ARHGAP32: variants seen among roughly 807,000 people sequenced by gnomAD.
ARHGAP32 encodes the protein rho GTPase-activating protein 32.
Under a neutral mutation model 186.5 loss-of-function variants are expected in ARHGAP32, and 51 were observed. The ratio of observed to expected loss-of-function variants is 0.27; its 90% CI spans 0.22 to 0.35. The LOEUF (loss-of-function observed/expected upper bound fraction) is 0.35, where lower values mean the gene tolerates loss of function less well. Among genes scored for constraint, ARHGAP32 ranks in the 10% least tolerant of loss-of-function variants. The pLI is 1.00. For synonymous variants in ARHGAP32, 950 were observed against 964.3 expected, an observed-to-expected ratio of 0.99 and a Z score of 0.27; for missense variants, 2,186 against 2,623.5, an observed-to-expected ratio of 0.83 and a Z score of 3.64.
chr11:129,196,486 G>A (rs973727723), upstream of ARHGAP32, among the ~76,000 whole-genome samples: 4 of 152,274 alleles, frequency 2.6e-5, no homozygotes, highest in South Asian at 2.1e-4. Context: ...TAGGTAATAC[G>A]TAAATACTAC....
chr11:129,209,238 G>A (rs1468817019), intron 1 of ARHGAP32, among the ~76,000 whole-genome samples: 4 of 152,038 alleles, frequency 2.6e-5, no homozygotes, highest in Non-Finnish European at 4.4e-5. Context: ...CAAGCTGGTT[G>A]AGCATTCAAA....
intron 2 of ARHGAP32, among the ~76,000 whole-genome samples, chr11:129,139,622 G>T (rs982155985): frequency 1.3e-5 from 2 of 151,948 alleles, no homozygotes; most frequent in Non-Finnish European, 2.9e-5. Flanking sequence ...TAAGTCTCAC[G>T]AGATCTGACA....
chr11:129,059,592 C>T (rs181241241), intron 10 of ARHGAP32, among the ~76,000 whole-genome samples: 1,881 of 151,132 alleles, frequency 0.012, 23 homozygotes, highest in Non-Finnish European at 0.021. Context: ...CTCTACCTCC[C>T]GGGTTCAAGA....
At chr11:128,997,518 T>C (rs1249826043) in intron 12 of ARHGAP32, among the ~76,000 whole-genome samples, 1 of 152,188 alleles carries the variant, frequency 6.6e-6, no homozygotes, top group Non-Finnish European at 1.5e-5. Flanking sequence ...CTATTTCTGG[T>C]ACTTAGCAAC....
chr11:129,010,167 A>C (rs1485330382), intron 11 of ARHGAP32, among the ~76,000 whole-genome samples: 1 of 152,072 alleles, frequency 6.6e-6, no homozygotes, highest in Non-Finnish European at 1.5e-5. Flanking sequence ...TGTAAACTTA[A>C]GTTCCCTGTA....
intron 1 of ARHGAP32, among the ~76,000 whole-genome samples, chr11:129,268,177 A>G (rs1000139739): frequency 6.6e-6 from 1 of 152,168 alleles, no homozygotes; most frequent in Non-Finnish European, 1.5e-5. Context: ...ACCTTGTCCT[A>G]TGAGGAATAG....
chr11:128,986,259 G>A (rs1455253195), intron 14 of ARHGAP32, among the ~76,000 whole-genome samples, 174 bp from the exon 15 acceptor site: 1 of 152,162 alleles, frequency 6.6e-6, no homozygotes, highest in Non-Finnish European at 1.5e-5. Flanking sequence ...TGTGAACACT[G>A]AGATCTACGA....
rs923746268 is a variant in ARHGAP32, at chr11:129,192,318, G to A, written c.-120C>T. ...TGTGTGTCTGGTGCCCTAGTGACAG[G>A]TACTGGTGCTGGTTTAATTACAGTC... is the stretch of plus-strand genomic sequence containing the variant. On this transcript the variant is annotated 5_prime_UTR_variant, in exon 1 of 23. Transcript: ENST00000682385. 1 of 705,136 alleles carries A rather than the reference G, an allele frequency of 1.4e-6. No homozygotes were observed. The allele number at this position is 705,136 out of a possible 1,614,324, so 43.7% of individuals were successfully genotyped here.
chr11:129,060,311 C>T lies in ARHGAP32; in HGVS notation c.963+1969G>A, dbSNP rs1940437158. ...AGAAGAAACTCAAATCCAAAAAAAG[C>T]AAATGACTTCCCTAAGGTGTTACAC... is the stretch of plus-strand genomic sequence containing the variant. On this transcript the variant is annotated intron_variant, in intron 10 of 22. Coordinates refer to ENST00000682385, the MANE Select transcript of ARHGAP32 (RefSeq NM_001378024.1). 2.0e-5 allele frequency among the ~76,000 whole-genome samples: 3 copies of T among 151,500 alleles called. No homozygotes were observed. The South Asian group carries it at 6.2e-4, about 32-fold the overall frequency.
At chr11:129,124,757 C>A in intron 3 of ARHGAP32, 46 bp downstream of exon 3, 1 of 1,409,822 alleles carries the variant, frequency 7.1e-7, no homozygotes, top group Non-Finnish European at 9.8e-7. Context: ...GAACTGATTT[C>A]CATTCGTAGG....
chr11:129,231,843 T>G, intron 1 of ARHGAP32, among the ~76,000 whole-genome samples: 1 of 151,292 alleles, frequency 6.6e-6, no homozygotes, highest in Non-Finnish European at 1.5e-5. Context: ...TGGGCAACAT[T>G]GAGAAGCCCC....
At chr11:129,216,806 C>T (rs1342786462) in intron 1 of ARHGAP32, among the ~76,000 whole-genome samples, 1 of 151,260 alleles carries the variant, frequency 6.6e-6, no homozygotes, top group African/African-American at 2.4e-5. Context: ...TTCTTAATTG[C>T]CCAGTGATAG....
intron 5 of ARHGAP32, among the ~76,000 whole-genome samples, chr11:129,111,699 A>G (rs529912115): frequency 7.9e-5 from 12 of 152,224 alleles, no homozygotes; most frequent in Middle Eastern, 3.4e-3. Context: ...TGTTCATGAC[A>G]GTCTCATGAC....
intron 1 of ARHGAP32, among the ~76,000 whole-genome samples, chr11:129,169,836 T>C (rs996098936): frequency 1.3e-5 from 2 of 151,998 alleles, no homozygotes; most frequent in African/African-American, 4.8e-5. Context: ...AATGAATCCA[T>C]TGAACTCTTT....
intron 2 of ARHGAP32, among the ~76,000 whole-genome samples, chr11:129,126,821 C>A (rs1454340879): frequency 1.3e-5 from 2 of 152,072 alleles, no homozygotes; most frequent in African/African-American, 4.8e-5. Context: ...TCTGCGACAA[C>A]CTGGATCACC....
At chr11:129,111,523 T>G (rs553035026) in intron 5 of ARHGAP32, among the ~76,000 whole-genome samples, 1 of 152,326 alleles carries the variant, frequency 6.6e-6, no homozygotes, top group African/African-American at 2.4e-5. Flanking sequence ...AGCCATCCAT[T>G]CCTGAGATTT....
intron 10 of ARHGAP32, among the ~76,000 whole-genome samples, chr11:129,054,023 C>A (rs1940155012): frequency 6.6e-6 from 1 of 151,858 alleles, no homozygotes; most frequent in South Asian, 2.1e-4. Context: ...AAGATGATTT[C>A]TCTAAAACTA....
chr11:129,088,449 A>T (rs966809949), intron 6 of ARHGAP32, among the ~76,000 whole-genome samples: 7 of 152,046 alleles, frequency 4.6e-5, no homozygotes, highest in African/African-American at 1.4e-4. Flanking sequence ...GCACTGTGGC[A>T]TGTGTCTGTA....
rs1372026650 is a variant in ARHGAP32, at chr11:128,965,135, T to C, written c.*3772A>G. ...GACATTTGCTTTAAACCACAAGATA[T>C]CTCCATCTCCAGGTACAAAAATCCC... On this transcript the variant is annotated 3_prime_UTR_variant, in exon 23 of 23. Transcript: ENST00000682385. 2 of 151,854 alleles carry C rather than the reference T, an allele frequency of 1.3e-5. No homozygotes were observed. The highest frequency in any genetic ancestry group is 2.9e-5 in the Non-Finnish European group (2 of 67,998). 9.4% of individuals were successfully genotyped at this position (151,854 alleles called of 1,614,324 possible).
Sources: allele counts gnomAD v4.1 joint callset (sites outside exome capture counted in the v4.1 genomes callset), GRCh38; gene constraint gnomAD v4.1.1; transcripts MANE v1.5; gene names NCBI Gene and HGNC (gene_info 2026-07-23, HGNC 2026-07-21).